The following MAP1B variants were observed in gnomAD, a reference collection of about 807,000 sequenced individuals.
MAP1B encodes microtubule associated protein 1B.
A neutral mutation model predicts 176.1 loss-of-function variants in MAP1B; 12 were observed. The observed-to-expected ratio is 0.07, with a 90% CI of 0.04 to 0.11. The LOEUF (loss-of-function observed/expected upper bound fraction) is 0.11, where lower values mean the gene tolerates loss of function less well. Ranked by LOEUF, MAP1B falls within the 10% of genes least tolerant of loss-of-function variation. The pLI, the probability that MAP1B is intolerant of heterozygous loss-of-function variation, is 1.00. For synonymous variants in MAP1B, 1,044 were observed against 1,135.0 expected (o/e 0.92, Z 1.61); for missense variants, 2,523 against 2,990.5 (o/e 0.84, Z 3.65).
At chr5:72,166,277 C>T (rs1006481507) in intron 2 of MAP1B, among the ~76,000 whole-genome samples, 3 of 152,190 alleles carry the variant, frequency 2.0e-5, no homozygotes, top group Admixed American at 2.0e-4. Context: ...GCACTGATTT[C>T]ATGATCGTCA....
In MAP1B at chr5:72,186,787, A is replaced by G; in HGVS notation, c.510+33A>G. On this transcript the variant is annotated intron_variant, in intron 4 of 6. Coordinates refer to ENST00000296755, the MANE Select transcript of MAP1B (RefSeq NM_005909.5). The surrounding 1 kb of genome is among the most constrained non-coding windows in gnomAD (Gnocchi z 4.3). The stretch of plus-strand genomic sequence containing the variant: ...CGTGTCTGAGAATATCTGTGCTTCT[A>G]GTGGCTTGGTTGCCTTAGGTTCCTC... 6.2e-7 allele frequency: 1 copy of G among 1,612,044 alleles called. No homozygotes were observed. Among genetic ancestry groups the G allele is most frequent in the Non-Finnish European group, 8.5e-7 (1 of 1,179,562 alleles).
At chr5:72,161,974 A>T in intron 2 of MAP1B, among the ~76,000 whole-genome samples, 1 of 142,028 alleles carries the variant, frequency 7.0e-6, no homozygotes, top group African/African-American at 2.9e-5. Flanking sequence ...AAAAAAAAAA[A>T]AAGAAAGAAA....
intron 1 of MAP1B, among the ~76,000 whole-genome samples, chr5:72,113,651 A>T (rs1745382089): frequency 6.6e-6 from 1 of 152,236 alleles, no homozygotes; most frequent in South Asian, 2.1e-4. Context: ...GAAAAATTGT[A>T]TGAATTTAAT....
intron 2 of MAP1B, among the ~76,000 whole-genome samples, chr5:72,122,048 A>G (rs955139064): frequency 6.6e-6 from 1 of 152,168 alleles, no homozygotes; most frequent in African/African-American, 2.4e-5. Flanking sequence ...TCATCATACA[A>G]GGTTATAGGA....
chr5:72,111,753 T>C (rs1368048374), intron 1 of MAP1B, among the ~76,000 whole-genome samples: 1 of 152,224 alleles, frequency 6.6e-6, no homozygotes, highest in Non-Finnish European at 1.5e-5. Flanking sequence ...ATTGTTCACC[T>C]TCTCTAAGGG....
chr5:72,182,934 A>G (rs1434484307), intron 2 of MAP1B, among the ~76,000 whole-genome samples: 1 of 152,160 alleles, frequency 6.6e-6, no homozygotes, highest in Non-Finnish European at 1.5e-5. Context: ...TCTTCATAGA[A>G]GGTCATGCAC....
At position 72,198,698 on chromosome 5, in the gene MAP1B, A is replaced by T; in HGVS notation, c.5343A>T (p.Lys1781Asn). Residue 1781 changes from lysine (K) to asparagine (N), a missense_variant, in exon 5 of 7, where the codon AAA (lysine) becomes AAT (asparagine). Physicochemically the swap from Lys to Asn is moderately conservative, Grantham distance 94. This residue lies in a region of MAP1B where 1,925 missense variants were observed against 2,126.0 expected (regional missense o/e 0.91). Transcript: ENST00000296755. ...TGGAAGGAGAGAAGCTCTCTCCAAA[A>T]TCTGATATCTCTCCACTCACCCCAC... ...QSLEGEKLSP[K>N]SDISPLTPRE... 1 of 1,614,104 alleles carries T rather than the reference A, an allele frequency of 6.2e-7. No individual in the cohort carries two copies.
At chr5:72,202,300 A>G (rs1295171833) in intron 5 of MAP1B, among the ~76,000 whole-genome samples, 1 of 152,258 alleles carries the variant, frequency 6.6e-6, no homozygotes, top group African/African-American at 2.4e-5. Flanking sequence ...AACTTCTAGT[A>G]CAAGTCAGAA....
At chr5:72,147,189 G>A (rs897302553) in intron 2 of MAP1B, among the ~76,000 whole-genome samples, 2 of 151,908 alleles carry the variant, frequency 1.3e-5, no homozygotes. Context: ...GGCTGGTCTC[G>A]AACTCCTGAC....
intron 2 of MAP1B, among the ~76,000 whole-genome samples, chr5:72,142,081 A>G (rs1561296647): frequency 6.6e-6 from 1 of 152,218 alleles, no homozygotes; most frequent in Non-Finnish European, 1.5e-5. Context: ...ATATGCTGAC[A>G]AGGCAAAAGC....
chr5:72,117,920 A>G (rs574757577), intron 2 of MAP1B, among the ~76,000 whole-genome samples: 6 of 152,328 alleles, frequency 3.9e-5, no homozygotes, highest in Non-Finnish European at 5.9e-5. Flanking sequence ...ATAAAAGCAC[A>G]TGTCAGATTC....
chr5:72,182,726 A>G (rs577754293), intron 2 of MAP1B, among the ~76,000 whole-genome samples: 2 of 151,826 alleles, frequency 1.3e-5, no homozygotes, highest in Admixed American at 6.6e-5. Context: ...ATTCTTTTCC[A>G]TTTCCTCCTG....
At chr5:72,135,248 A>C (rs1161735563) in intron 2 of MAP1B, among the ~76,000 whole-genome samples, 1 of 152,106 alleles carries the variant, frequency 6.6e-6, no homozygotes, top group Non-Finnish European at 1.5e-5. Context: ...TCATCTGTCC[A>C]ATGGCATTAA....
rs139296352 is a variant in MAP1B, at chr5:72,198,774, G to T, written c.5419G>T (p.Val1807Phe). 6 of 1,614,196 alleles carry T rather than the reference G, an allele frequency of 3.7e-6. No homozygotes were observed. In the South Asian group the frequency reaches 6.6e-5, roughly 18 times the overall value. ...TACTTTTTCAGATTCTACCTCTGCAGTCAAAGAGAAAACAGCAACTTGCCA... is the reference window on the plus strand; with the variant it reads ...TACTTTTTCAGATTCTACCTCTGCATTCAAAGAGAAAACAGCAACTTGCCA... ...SPTFSDSTSAVKEKTATCHSS... is the reference protein window; with the variant it reads ...SPTFSDSTSAFKEKTATCHSS... Residue 1807 changes from valine to phenylalanine, a missense_variant, in exon 5 of 7, where the codon GTC becomes TTC. By Grantham distance (50) the Val-to-Phe change is conservative (BLOSUM62 -1). Transcript: ENST00000296755.
intron 2 of MAP1B, among the ~76,000 whole-genome samples, chr5:72,148,429 C>A (rs1746083625): frequency 6.6e-6 from 1 of 152,202 alleles, no homozygotes; most frequent in African/African-American, 2.4e-5. Flanking sequence ...TGTTACCCTG[C>A]CAGTTTTGAA....
chr5:72,197,255 G>A lies in MAP1B; in HGVS notation c.3900G>A (p.Glu1300=), dbSNP rs748637484. ...CAGAAGTAGCCCCGGTGTCTCCTGA[G>A]GTGACCCAAGAAGTAGTTGAAGAAC... ...AEAEVAPVSP[E]VTQEVVEEHC... Residue 1300 remains glutamate (E), a synonymous_variant, in exon 5 of 7, where the codon GAG becomes GAA. Coordinates refer to ENST00000296755, the MANE Select transcript of MAP1B (RefSeq NM_005909.5). The A allele has an allele frequency of 5.6e-6, 9 of 1,614,092 alleles. No individual in the cohort carries two copies. In the East Asian group the frequency reaches 2.0e-4, roughly 36 times the overall value.
At chr5:72,177,731 G>A (rs1207584859) in intron 2 of MAP1B, among the ~76,000 whole-genome samples, 1 of 152,170 alleles carries the variant, frequency 6.6e-6, no homozygotes. Flanking sequence ...AGACCTGTTG[G>A]TTAGTTATTA....
chr5:72,145,458 G>A (rs1297686056), intron 2 of MAP1B, among the ~76,000 whole-genome samples: 1 of 152,064 alleles, frequency 6.6e-6, no homozygotes, highest in African/African-American at 2.4e-5. Context: ...CTTGATGGAT[G>A]GTGGTCTTAA....
chr5:72,175,209 C>T (rs1273863474), intron 2 of MAP1B, among the ~76,000 whole-genome samples: 4 of 151,728 alleles, frequency 2.6e-5, no homozygotes, highest in African/African-American at 7.3e-5. Flanking sequence ...AGATCACAGG[C>T]GTGCACCACC....
Sources: gnomAD v4.1 joint callset for allele counts (sites outside exome capture counted in the v4.1 genomes callset) on GRCh38, gnomAD v4.1.1 for gene constraint, gnomAD v4.1.1 regional missense constraint, Gnocchi (gnomAD v3.1) non-coding constraint, MANE v1.5 for transcripts, NCBI Gene and HGNC (gene_info 2026-07-23, HGNC 2026-07-21) for gene names.